GPR35: variants seen among roughly 807,000 people sequenced by gnomAD.
GPR35 encodes the protein KYNA receptor.
For synonymous variants in GPR35, 207 were observed against 198.4 expected (o/e 1.04, Z -0.36); for missense variants, 372 against 422.5 (o/e 0.88, Z 1.05).
chr2:240,625,198 G>A, upstream of GPR35: 1 of 894,166 alleles, frequency 1.1e-6, no homozygotes, highest in Non-Finnish European at 1.3e-6. Flanking sequence ...TCCGTGGGCG[G>A]GGCTGGAGCG....
chr2:240,631,170 T>A lies in GPR35; in HGVS notation c.*288T>A. On this transcript the variant is annotated 3_prime_UTR_variant, in exon 2 of 2. Transcript: ENST00000407714. ...CCAGAACCAGCTCACCTGGCCAGAG[T>A]GGGTTCCTGCTGGCCAGGGTGCAGC... 1 of 479,874 alleles carries A rather than the reference T, an allele frequency of 2.1e-6. No individual in the cohort carries two copies. The highest frequency in any genetic ancestry group is 3.6e-5 in the Admixed American group (1 of 27,684). The allele number at this position is 479,874 out of a possible 1,614,324, so 29.7% of individuals were successfully genotyped here.
At chr2:240,611,128 G>GT (rs142313927) in intron 2 of GPR35, among the ~76,000 whole-genome samples, 6,300 of 151,384 alleles carry the variant, frequency 0.042, 156 homozygotes, top group South Asian at 0.075. Context: ...TTTTGTTTTT[G>GT]TTTTTTTTCG....
upstream of GPR35, among the ~76,000 whole-genome samples, chr2:240,621,862 A>T (rs1324164788): frequency 1.3e-5 from 2 of 152,084 alleles, no homozygotes; most frequent in African/African-American, 2.4e-5. Flanking sequence ...AACATGTATT[A>T]TTCTATTGAT....
Position 240,617,151 on chromosome 2 carries a change from C to T in GPR35, c.-391C>T, listed in dbSNP as rs1011263146. The stretch of plus-strand genomic sequence containing the variant: ...TGAGCCTTCTGATGAGACTGCAGCC[C>T]CGGCTGACACCTGGATTGCAGACTC... On this transcript the variant is annotated 5_prime_UTR_variant, in exon 4 of 6. Transcript: ENST00000319838. 5.6e-6 allele frequency: 4 copies of T among 714,466 alleles called. No homozygotes were observed. The African/African-American group carries it at 7.0e-5, about 13-fold the overall frequency. The allele number at this position is 714,466 out of a possible 1,614,324, so 44.3% of individuals were successfully genotyped here. A position where few individuals can be genotyped will look rare whatever the true frequency, so the allele number is the denominator to read the frequency against.
upstream of GPR35, among the ~76,000 whole-genome samples, chr2:240,624,328 T>G (rs1334251901): frequency 6.6e-6 from 1 of 151,510 alleles, no homozygotes; most frequent in Non-Finnish European, 1.5e-5. Flanking sequence ...GGGCGCACAC[T>G]GGGGACTGGG....
intron 5 of GPR35, chr2:240,619,102 T>G (rs2043266607): frequency 3.0e-6 from 2 of 674,998 alleles, no homozygotes; most frequent in Non-Finnish European, 5.4e-6. Flanking sequence ...CTAAAGATAT[T>G]GCCAAATCCA....
chr2:240,609,110 T>G (rs2043161340), intron 2 of GPR35, among the ~76,000 whole-genome samples: 1 of 152,168 alleles, frequency 6.6e-6, no homozygotes, highest in African/African-American at 2.4e-5. Context: ...TTTGTGGATT[T>G]TTTTTCTTTG....
At position 240,632,656 on chromosome 2, in the gene GPR35, G is replaced by A. The variant is rs2043462093; in HGVS notation, c.*1774G>A. 6.7e-6 allele frequency among the ~76,000 whole-genome samples: 1 copy of A among 150,298 alleles called. No homozygotes were observed. Among genetic ancestry groups the A allele is most frequent in the Admixed American group, 6.6e-5 (1 of 15,132 alleles). ...AGGACCATGTCAAGGAGAACCCCAT[G>A]CCCATGAGGGTCCATGCCCAGTAAG... On this transcript the variant is annotated 3_prime_UTR_variant, in exon 2 of 2. Transcript: ENST00000407714.
chr2:240,615,896 A>G (rs542970176), intron 2 of GPR35, among the ~76,000 whole-genome samples: 63 of 152,308 alleles, frequency 4.1e-4, no homozygotes, highest in Middle Eastern at 3.4e-3. Context: ...CCCACCTTAT[A>G]CGTTTTTAAA....
chr2:240,630,461 T>G lies in GPR35; in HGVS notation c.509T>G (p.Phe170Cys), dbSNP rs777087537. ...TGCTTCAGGAGCACCCGGCACAATTTCAACTCCATGGCGTTCCCGCTGCTG... is the reference window on the plus strand; with the variant it reads ...TGCTTCAGGAGCACCCGGCACAATTGCAACTCCATGGCGTTCCCGCTGCTG... ...GFCFRSTRHN[F>C]NSMAFPLLGF... Residue 170 changes from phenylalanine (F) to cysteine (C), a missense_variant, in exon 2 of 2, where the codon TTC becomes TGC. Coordinates refer to ENST00000407714, the MANE Select transcript of GPR35 (RefSeq NM_005301.5). 6.2e-7 allele frequency: 1 copy of G among 1,612,894 alleles called. No individual in the cohort carries two copies. The highest frequency in any genetic ancestry group is 1.7e-5 in the Admixed American group (1 of 60,028).
exon 3 of GPR35, chr2:240,616,413 C>T: frequency 1.3e-6 from 1 of 780,094 alleles, no homozygotes; most frequent in South Asian, 1.3e-5. Flanking sequence ...CAGCTTCCTG[C>T]AGACTGGACT....
At chr2:240,623,327 G>GGT (rs1559437473), upstream of GPR35, among the ~76,000 whole-genome samples, 28 of 139,432 alleles carry the variant, frequency 2.0e-4, no homozygotes, top group African/African-American at 5.0e-4. Flanking sequence ...AGGTCGTGAG[G>GGT]GCGCAAACAG....
intron 2 of GPR35, among the ~76,000 whole-genome samples, chr2:240,615,596 A>T (rs984408432): frequency 5.9e-5 from 9 of 152,250 alleles, no homozygotes; most frequent in African/African-American, 1.7e-4. Context: ...GCTTCACCAC[A>T]CTCCATCTAT....
At chr2:240,621,054 A>G (rs2043287782), upstream of GPR35, among the ~76,000 whole-genome samples, 1 of 152,044 alleles carries the variant, frequency 6.6e-6, no homozygotes, top group Admixed American at 6.6e-5. Context: ...TGAGGGTGAC[A>G]GGGAAACCTC....
chr2:240,631,731 T>C lies in GPR35; in HGVS notation c.*849T>C, dbSNP rs2043451165. Among the ~76,000 whole-genome samples the C allele has an allele frequency of 6.6e-6, 1 of 152,190 alleles. No individual in the cohort carries two copies. The highest frequency in any genetic ancestry group is 2.1e-4 in the South Asian group (1 of 4,830). On this transcript the variant is annotated 3_prime_UTR_variant, in exon 2 of 2. Transcript: ENST00000407714. ...ACGATGTCCTGCTGGTTTCTGCCTC[T>C]CCTGTACTCCTGCATGGAGGGCATC... is the stretch of plus-strand genomic sequence containing the variant.
At chr2:240,619,749 A>G (rs1033189864) in intron 5 of GPR35, among the ~76,000 whole-genome samples, 11 of 152,174 alleles carry the variant, frequency 7.2e-5, no homozygotes, top group Middle Eastern at 3.2e-3. Context: ...GACTCCCCCA[A>G]CCGGAGGTCT....
At chr2:240,624,984 A>G (rs530112637), upstream of GPR35, among the ~76,000 whole-genome samples, 69 of 152,126 alleles carry the variant, frequency 4.5e-4, no homozygotes, top group Non-Finnish European at 6.0e-4. Context: ...GTGTGTGTGC[A>G]TGTGTGCCAG....
chr2:240,610,923 T>A (rs2043176735), intron 2 of GPR35, among the ~76,000 whole-genome samples: 1 of 150,332 alleles, frequency 6.7e-6, no homozygotes, highest in Admixed American at 6.6e-5. Context: ...CATGAGCCAC[T>A]GCACCCGGCC....
upstream of GPR35, chr2:240,625,350 G>C: frequency 4.1e-6 from 4 of 985,512 alleles, no homozygotes; most frequent in Non-Finnish European, 4.8e-6. Context: ...CCTCTAGCTG[G>C]GGCTGGTGCA....
Sources: gnomAD v4.1 joint callset for allele counts (sites outside exome capture counted in the v4.1 genomes callset) on GRCh38, gnomAD v4.1.1 for gene constraint, MANE v1.5 for transcripts, NCBI Gene and HGNC (gene_info 2026-07-23, HGNC 2026-07-21) for gene names.